Variants in MYO1F observed in about 807,000 individuals in gnomAD.
MYO1F encodes myosin IF.
Under a neutral mutation model 146.6 loss-of-function variants are expected in MYO1F, and 60 were observed. The observed-to-expected ratio is 0.41, with a 90% CI of 0.33 to 0.51. The LOEUF (loss-of-function observed/expected upper bound fraction) is 0.51, where lower values mean the gene tolerates loss of function less well. Among genes scored for constraint, MYO1F ranks in the 20% least tolerant of loss-of-function variants. MYO1F has a pLI of 0.25. For missense variants in MYO1F, 1,274 were observed against 1,534.3 expected (o/e 0.83, Z 2.83); for synonymous variants, 602 against 602.1 (o/e 1.00, Z 0.00).
chr19:8,560,800 A>T (rs527450929), intron 1 of MYO1F, among the ~76,000 whole-genome samples: 1 of 146,334 alleles, frequency 6.8e-6, no homozygotes, highest in Non-Finnish European at 1.5e-5. Context: ...GCGCAGTGGC[A>T]CGATCTCGGC....
chr19:8,545,792 TC>T, intron 12 of MYO1F, 56 bp from the exon 13 acceptor site: 2 of 1,175,538 alleles, frequency 1.7e-6, no homozygotes, highest in Non-Finnish European at 2.6e-6. Flanking sequence ...TGGCCACCCT[TC>T]CCCCCATGTC....
intron 15 of MYO1F, chr19:8,541,597 T>A: frequency 2.7e-6 from 1 of 376,668 alleles, no homozygotes. Flanking sequence ...CCTAGGTAAT[T>A]TTTATAATTT....
At chr19:8,563,565 ATGATGTGATCTCAGCT>A (rs1210967397) in intron 1 of MYO1F, among the ~76,000 whole-genome samples, 4 of 147,156 alleles carry the variant, frequency 2.7e-5, no homozygotes, top group Non-Finnish European at 4.5e-5. Context: ...CTGGAGTGCA[ATGATGTGATCTCAGCT>A]CACTGCAACC....
At chr19:8,575,883 C>A (rs2042231113) in intron 1 of MYO1F, among the ~76,000 whole-genome samples, 1 of 152,180 alleles carries the variant, frequency 6.6e-6, no homozygotes, top group South Asian at 2.1e-4. Context: ...AAGCCCTGCC[C>A]ATCCCAGGAC....
intron 1 of MYO1F, among the ~76,000 whole-genome samples, chr19:8,572,204 G>C (rs2042123290): frequency 6.6e-6 from 1 of 152,134 alleles, no homozygotes; most frequent in African/African-American, 2.4e-5. Context: ...CAACCCCCAA[G>C]ACAGAAACCT....
chr19:8,552,295 G>A (rs987458250), intron 6 of MYO1F, 131 bp from the exon 7 acceptor site: 4 of 1,017,502 alleles, frequency 3.9e-6, no homozygotes, highest in Admixed American at 3.9e-5. Flanking sequence ...ATCTGACTCT[G>A]TTGCTCAGGC....
rs1972277603 is a variant in MYO1F at position 8,526,571 on chromosome 19, C to T, written c.2652G>A (p.Trp884Ter). The change falls in exon 24 of 28, where the codon TGG becomes TGA. Residue 884 changes from tryptophan to a stop codon, truncating the protein, a stop_gained. Transcript: ENST00000644032. LOFTEE classifies it high-confidence loss of function. ...TGACGCTGCGGGTGCCGCCACCGCC[C>T]CAGCCCTCCTTCTTCACCCGAAACT... ...TLQFRVKKEG[W>*]GGGGTRSVTF... 6.3e-7 allele frequency: 1 copy of T among 1,598,406 alleles called. No individual in the cohort carries two copies. The highest frequency in any genetic ancestry group is 8.5e-7 in the Non-Finnish European group (1 of 1,174,648).
intron 16 of MYO1F, 116 bp downstream of exon 16, chr19:8,539,831 C>A (rs1177601811): frequency 3.3e-6 from 3 of 914,590 alleles, no homozygotes; most frequent in African/African-American, 1.7e-5. Context: ...GAGGCAGAAG[C>A]CCCAGGATTG....
chr19:8,554,438 C>T (rs373914134), intron 4 of MYO1F, 39 bp downstream of exon 4: 102 of 1,535,862 alleles, frequency 6.6e-5, no homozygotes, highest in Non-Finnish European at 7.9e-5. Context: ...AGCAGGGGCC[C>T]GGGCAGCAGG....
intron 8 of MYO1F, 75 bp downstream of exon 8, chr19:8,551,665 C>T: frequency 6.2e-7 from 1 of 1,610,762 alleles, no homozygotes; most frequent in Non-Finnish European, 8.5e-7. Context: ...CTTCGGTTTC[C>T]TAATTTGTAA....
At chr19:8,548,701 C>T (rs1973478028) in intron 10 of MYO1F, among the ~76,000 whole-genome samples, 1 of 150,512 alleles carries the variant, frequency 6.6e-6, no homozygotes, top group Non-Finnish European at 1.5e-5. Context: ...CCAGGGTTCA[C>T]ACCATTCTCC....
intron 1 of MYO1F, among the ~76,000 whole-genome samples, chr19:8,570,976 G>T (rs990871522): frequency 6.6e-6 from 1 of 152,188 alleles, no homozygotes; most frequent in Non-Finnish European, 1.5e-5. Flanking sequence ...CGAAGCAAAG[G>T]TTGTCCAGTG....
intron 10 of MYO1F, 192 bp downstream of exon 10, chr19:8,549,968 T>G: frequency 1.5e-6 from 1 of 672,684 alleles, no homozygotes; most frequent in Non-Finnish European, 2.6e-6. Flanking sequence ...ACCCAACTAA[T>G]TTGAAATTTC....
chr19:8,533,359 T>TC (rs1358351586), intron 19 of MYO1F, among the ~76,000 whole-genome samples: 7 of 137,878 alleles, frequency 5.1e-5, no homozygotes, highest in African/African-American at 8.1e-5. Context: ...TTCTTCTTCT[T>TC]TTTTTTTTTT....
rs773442534 is a variant in MYO1F at position 8,525,488 on chromosome 19, G to A, written c.2845C>T (p.Pro949Ser). The change falls in exon 25 of 28, where the codon CCC becomes TCC. Residue 949 changes from proline to serine, a missense_variant. Around this residue, in one of 2 missense-constraint regions of MYO1F, gnomAD observed 374 missense variants for 379.2 expected, o/e 0.99. Transcript: ENST00000644032. The stretch of plus-strand genomic sequence containing the variant: ...GGACGCAGCTCCTCACCTCTGGGGG[G>A]CGCAGGGGCCGCCCGGGTAGGGGCT... ...SQAPTRAAPA[P>S]PRGMDRNGVP... 5.0e-6 allele frequency: 8 copies of A among 1,613,314 alleles called. No individual in the cohort carries two copies. The East Asian group carries it at 1.8e-4, about 36-fold the overall frequency.
At chr19:8,522,175 A>G (rs1045506311) in intron 27 of MYO1F, among the ~76,000 whole-genome samples, 1 of 152,044 alleles carries the variant, frequency 6.6e-6, no homozygotes, top group Admixed American at 6.6e-5. Context: ...GGCGCCCGCC[A>G]CCACGCCCGG....
rs759632182 is a variant in MYO1F at position 8,554,735 on chromosome 19, G to A, written c.150C>T (p.Ile50=). The A allele has an allele frequency of 3.7e-6, 6 of 1,613,922 alleles. No homozygotes were observed. Among genetic ancestry groups the A allele is most frequent in the South Asian group, 2.2e-5 (2 of 91,078 alleles). Residue 50 remains isoleucine, a synonymous_variant, in exon 3 of 28, where the codon ATC becomes ATT. Transcript: ENST00000644032. ...GGTTTACAGAGATGAGCACAGAGCC[G>A]ATGTAGGTCTGAGGGATGGTTAAGG... The part of the protein sequence containing the change: ...RFMDDYIFTY[I]GSVLISVNPF...
intron 25 of MYO1F, chr19:8,525,265 G>T: frequency 4.2e-6 from 2 of 481,534 alleles, no homozygotes; most frequent in Non-Finnish European, 7.6e-6. Context: ...GAGGAGAGAA[G>T]ATGTCAGTGG....
intron 1 of MYO1F, among the ~76,000 whole-genome samples, chr19:8,564,876 G>A (rs2041974664): frequency 6.6e-6 from 1 of 151,932 alleles, no homozygotes; most frequent in Non-Finnish European, 1.5e-5. Context: ...GGGTTCAAGT[G>A]ATTCTCCTGC....
Sources: gnomAD v4.1 joint callset for allele counts (sites outside exome capture counted in the v4.1 genomes callset) on GRCh38, gnomAD v4.1.1 for gene constraint, gnomAD v4.1.1 regional missense constraint, MANE v1.5 for transcripts, NCBI Gene and HGNC (gene_info 2026-07-23, HGNC 2026-07-21) for gene names.